The following PAWR variants were observed in gnomAD, a reference collection of about 807,000 sequenced individuals.
PAWR encodes pro-apoptotic WT1 regulator.
In PAWR, 23 loss-of-function variants were observed where a neutral mutation model predicts 32.0. That is an observed-to-expected ratio of 0.72 (90% CI 0.52 to 1.02). PAWR has a LOEUF of 1.02. Ranked by LOEUF, PAWR falls within the 50% of genes least tolerant of loss-of-function variation. The pLI, the probability that PAWR is intolerant of heterozygous loss-of-function variation, is 0.00. For missense variants in PAWR, 457 were observed against 437.7 expected, an observed-to-expected ratio of 1.04 and a Z score of -0.39; for synonymous variants, 226 against 187.1, an observed-to-expected ratio of 1.21 and a Z score of -1.70.
chr12:79,655,334 G>C (rs188078282), intron 2 of PAWR, among the ~76,000 whole-genome samples: 2 of 152,310 alleles, frequency 1.3e-5, no homozygotes, highest in East Asian at 1.9e-4. Flanking sequence ...GCTTTACAAA[G>C]AATGTGTGAA....
intron 2 of PAWR, among the ~76,000 whole-genome samples, chr12:79,638,003 C>T (rs1418164899): frequency 2.6e-5 from 4 of 151,972 alleles, no homozygotes; most frequent in Non-Finnish European, 5.9e-5. Flanking sequence ...ATGAATACAA[C>T]GTGATTTGTT....
At chr12:79,650,378 T>G (rs919293437) in intron 2 of PAWR, among the ~76,000 whole-genome samples, 1 of 152,134 alleles carries the variant, frequency 6.6e-6, no homozygotes, top group Admixed American at 6.5e-5. Context: ...AAATTTTTGG[T>G]TTTTTATTCC....
At chr12:79,675,089 A>ACC (rs1195042648) in intron 2 of PAWR, among the ~76,000 whole-genome samples, 1 of 152,182 alleles carries the variant, frequency 6.6e-6, no homozygotes, top group Non-Finnish European at 1.5e-5. Context: ...AAATCATTCT[A>ACC]CCACAGGGCC....
At chr12:79,672,796 C>T (rs949918228) in intron 2 of PAWR, among the ~76,000 whole-genome samples, 1 of 151,608 alleles carries the variant, frequency 6.6e-6, no homozygotes, top group African/African-American at 2.4e-5. Context: ...TAAAATAATC[C>T]TAATTTGTTC....
chr12:79,640,576 A>T (rs1876271964), intron 2 of PAWR, among the ~76,000 whole-genome samples: 1 of 152,070 alleles, frequency 6.6e-6, no homozygotes, highest in East Asian at 1.9e-4. Flanking sequence ...CTCTGTCTCT[A>T]TAAAAAATAC....
At chr12:79,632,361 A>ATTTTTTTTTTTTTT (rs755937992) in intron 2 of PAWR, among the ~76,000 whole-genome samples, 1 of 20,606 alleles carries the variant, frequency 4.9e-5, no homozygotes, top group African/African-American at 3.0e-4. Context: ...ATATATATAT[A>ATTTTTTTTTTTTTT]TTTTTTTTTT....
intron 2 of PAWR, among the ~76,000 whole-genome samples, chr12:79,645,938 T>C (rs1377242533): frequency 1.3e-5 from 2 of 152,220 alleles, no homozygotes; most frequent in African/African-American, 4.8e-5. Flanking sequence ...TCTGTCACCA[T>C]GTAACTTTAG....
At chr12:79,618,610 T>C (rs1376197578) in intron 3 of PAWR, among the ~76,000 whole-genome samples, 1 of 152,188 alleles carries the variant, frequency 6.6e-6, no homozygotes, top group Non-Finnish European at 1.5e-5. Flanking sequence ...CCTCTGGTAA[T>C]CACCATTCTA....
At chr12:79,615,479 TG>T (rs1874684095) in intron 3 of PAWR, among the ~76,000 whole-genome samples, 1 of 152,204 alleles carries the variant, frequency 6.6e-6, no homozygotes, top group Admixed American at 6.5e-5. Flanking sequence ...CGCTTAGTTC[TG>T]GGGAAGTCAT....
rs570255121 is a variant in PAWR at position 79,640,082 on chromosome 12, T to G, written c.517-18875A>C. On this transcript the variant is annotated intron_variant, in intron 2 of 6. Transcript: ENST00000328827. ...AACACACCTGGCTAATTTTTGTATT[T>G]TTAGTAAAGACAAGGTTTCACCATG... 2.2e-4 allele frequency among the ~76,000 whole-genome samples: 33 copies of G among 152,160 alleles called. 1 individual carries two copies. The highest frequency in any genetic ancestry group is 3.9e-4 in the Admixed American group (6 of 15,292).
intron 4 of PAWR, among the ~76,000 whole-genome samples, chr12:79,600,225 T>C (rs1873905814): frequency 6.6e-6 from 1 of 152,188 alleles, no homozygotes; most frequent in African/African-American, 2.4e-5. Context: ...ACTACTGCTA[T>C]CGCACTCAAA....
chr12:79,670,309 T>C (rs1411749232), intron 2 of PAWR, among the ~76,000 whole-genome samples: 2 of 152,206 alleles, frequency 1.3e-5, no homozygotes, highest in Non-Finnish European at 2.9e-5. Flanking sequence ...GTTGGTTGAA[T>C]TGTATCCTCA....
chr12:79,680,601 G>A (rs994221195), intron 2 of PAWR, among the ~76,000 whole-genome samples: 1 of 151,928 alleles, frequency 6.6e-6, no homozygotes, highest in East Asian at 1.9e-4. Context: ...GCACAATTTT[G>A]CATACCATGA....
Position 79,590,923 on chromosome 12 carries a change from A to G in PAWR, c.*1684T>C, listed in dbSNP as rs1208853011. 1 of 152,242 alleles carries G rather than the reference A, an allele frequency of 6.6e-6. No homozygotes were observed. The highest frequency in any genetic ancestry group is 1.5e-5 in the Non-Finnish European group (1 of 68,042). 9.4% of individuals were successfully genotyped at this position (152,242 alleles called of 1,614,324 possible). The stretch of plus-strand genomic sequence containing the variant: ...CATGGTCATATGAAAACTGCCCTGG[A>G]GACCGGGTTAATTATTAAATAAACT... On this transcript the variant is annotated 3_prime_UTR_variant, in exon 7 of 7. Transcript: ENST00000328827.
At chr12:79,603,607 T>G (rs1450147455) in intron 4 of PAWR, 1 of 151,978 alleles carries the variant, frequency 6.6e-6, no homozygotes, top group Non-Finnish European at 1.5e-5. Flanking sequence ...TTTAACTTAT[T>G]AACAATTTTT....
At position 79,690,899 on chromosome 12, in the gene PAWR, G is replaced by C. The variant is rs1284434313; in HGVS notation, c.-175C>G. ...TGGAGGAGCTTGTAGGGGACGAGGCGTAGGGCTGGGATCCGGCTCCCAGGT... is the reference window on the plus strand; with the variant it reads ...TGGAGGAGCTTGTAGGGGACGAGGCCTAGGGCTGGGATCCGGCTCCCAGGT... On this transcript the variant is annotated 5_prime_UTR_variant, in exon 1 of 7. Coordinates refer to ENST00000328827, the MANE Select transcript of PAWR (RefSeq NM_002583.4). 8.5e-5 allele frequency: 13 copies of C among 152,366 alleles called. No individual in the cohort carries two copies. The highest frequency in any genetic ancestry group is 6.5e-4 in the Admixed American group (10 of 15,308). The allele number at this position is 152,366 out of a possible 1,614,324, so 9.4% of individuals were successfully genotyped here.
chr12:79,624,316 A>G (rs1566007060), intron 2 of PAWR, among the ~76,000 whole-genome samples: 2 of 152,116 alleles, frequency 1.3e-5, no homozygotes, highest in African/African-American at 4.8e-5. Context: ...TTACCAGTAT[A>G]TTAAAAGAAA....
chr12:79,670,072 C>T (rs1177129342), intron 2 of PAWR, among the ~76,000 whole-genome samples: 2 of 151,948 alleles, frequency 1.3e-5, no homozygotes, highest in African/African-American at 4.8e-5. Context: ...ATACAAAATG[C>T]TAAAAATAGG....
At chr12:79,621,631 A>T (rs1005616871) in intron 2 of PAWR, among the ~76,000 whole-genome samples, 1 of 152,198 alleles carries the variant, frequency 6.6e-6, no homozygotes, top group Non-Finnish European at 1.5e-5. Context: ...TTAGTGATAA[A>T]GGCCCAGTTT....
Sources: gnomAD v4.1 joint callset for allele counts (sites outside exome capture counted in the v4.1 genomes callset) on GRCh38, gnomAD v4.1.1 for gene constraint, MANE v1.5 for transcripts, NCBI Gene and HGNC (gene_info 2026-07-23, HGNC 2026-07-21) for gene names.